The following USH2A variants were observed in gnomAD, a reference collection of about 807,000 sequenced individuals.
The protein encoded by USH2A is usherin, also known as Usher syndrome 2A (autosomal recessive, mild).
In USH2A, 443 loss-of-function variants were observed where a neutral mutation model predicts 538.9. The observed-to-expected ratio is 0.82, with a 90% confidence interval of 0.76 to 0.89. The LOEUF is 0.89. Ranked by LOEUF, USH2A falls within the 40% of genes least tolerant of loss-of-function variation. The probability of loss-of-function intolerance (pLI) is 0.00; values close to 1 mark genes in which losing one functional copy is unlikely to be tolerated. For missense variants in USH2A, 6,633 were observed against 6,324.8 expected (o/e 1.05, Z -1.65); for synonymous variants, 2,413 against 2,273.5 (o/e 1.06, Z -1.75).
chr1:215,977,781 G>A lies in USH2A; in HGVS notation c.6806-7005C>T, dbSNP rs539323347. On this transcript the variant is annotated intron_variant, in intron 35 of 71. Coordinates refer to ENST00000307340, the MANE Select transcript of USH2A (RefSeq NM_206933.4). ...CCTCCTCAGTCTCCCAAAGTGTTGA[G>A]ATTACAGGCATGAGCCACTGCCACC... Among the ~76,000 whole-genome samples the A allele has an allele frequency of 6.6e-5, 10 of 152,248 alleles. No individual in the cohort carries two copies. The South Asian group carries it at 1.9e-3, about 28-fold the overall frequency.
chr1:215,887,567 A>C (rs1460403821), intron 41 of USH2A, among the ~76,000 whole-genome samples: 1 of 152,318 alleles, frequency 6.6e-6, no homozygotes, highest in East Asian at 1.9e-4. Flanking sequence ...TTCATATTAA[A>C]ACTAACAAAG....
At chr1:215,812,549 T>C (rs572350655) in intron 49 of USH2A, among the ~76,000 whole-genome samples, 16 of 152,222 alleles carry the variant, frequency 1.1e-4, no homozygotes, top group African/African-American at 3.1e-4. Context: ...CTGAACATAA[T>C]TTACAGGAAC....
At chr1:215,796,408 AT>A (rs1384726250) in intron 50 of USH2A, among the ~76,000 whole-genome samples, 2 of 151,386 alleles carry the variant, frequency 1.3e-5, no homozygotes, top group African/African-American at 2.4e-5. Context: ...TTATTATTAT[AT>A]TTGTTATATT....
intron 70 of USH2A, 46 bp from the exon 71 acceptor site, chr1:215,629,081 G>A (rs764519523): frequency 4.5e-6 from 7 of 1,550,662 alleles, no homozygotes; most frequent in Admixed American, 3.3e-5. Context: ...AAGAATATGG[G>A]CTTGAAATAT....
At chr1:216,060,153 T>C (rs1269351267) in intron 30 of USH2A, among the ~76,000 whole-genome samples, 3 of 152,242 alleles carry the variant, frequency 2.0e-5, no homozygotes, top group Non-Finnish European at 4.4e-5. Context: ...TCTACACTAG[T>C]GTCTTTCAAT....
At chr1:216,055,986 A>G (rs1021042673) in intron 30 of USH2A, among the ~76,000 whole-genome samples, 3 of 152,208 alleles carry the variant, frequency 2.0e-5, no homozygotes, top group Non-Finnish European at 4.4e-5. Flanking sequence ...TACAAACAGG[A>G]AAAACATTAT....
chr1:215,873,899 TA>T (rs1398302779), intron 43 of USH2A, among the ~76,000 whole-genome samples: 2 of 152,136 alleles, frequency 1.3e-5, no homozygotes, highest in Non-Finnish European at 2.9e-5. Context: ...AGCTAATTTA[TA>T]AATCTAAATT....
At chr1:216,384,474 A>G (rs2038972812) in intron 3 of USH2A, among the ~76,000 whole-genome samples, 1 of 152,178 alleles carries the variant, frequency 6.6e-6, no homozygotes, top group South Asian at 2.1e-4. Context: ...TATTAACAAT[A>G]ATTTGAGGAA....
rs1444905148 is a variant in USH2A, at chr1:216,325,461, A to C, written c.987T>G (p.Asp329Glu). The change falls in exon 6 of 72, where the codon GAT becomes GAG. Residue 329 changes from aspartate to glutamate, a missense_variant. Asp to Glu is a conservative substitution (Grantham distance 45). Transcript: ENST00000307340. ...CIPNDAGDTA[D>E]NRVSRLNPEA... Reference sequence around the variant, plus strand: ...CAGGATTCAACCGTGACACTCTATTATCAGCTGTGTCTCCTGCATCATTAG... The same window carrying C: ...CAGGATTCAACCGTGACACTCTATTCTCAGCTGTGTCTCCTGCATCATTAG... 6.2e-7 allele frequency: 1 copy of C among 1,613,924 alleles called. No individual in the cohort carries two copies. Among genetic ancestry groups the C allele is most frequent in the South Asian group, 1.1e-5 (1 of 91,080 alleles).
chr1:216,155,093 T>C (rs1366980412), intron 21 of USH2A, among the ~76,000 whole-genome samples: 1 of 152,142 alleles, frequency 6.6e-6, no homozygotes, highest in Non-Finnish European at 1.5e-5. Flanking sequence ...CATAGTTGAC[T>C]CCATCTTGCT....
chr1:216,334,092 C>A (rs1426373452), intron 4 of USH2A, among the ~76,000 whole-genome samples: 5 of 151,908 alleles, frequency 3.3e-5, no homozygotes, highest in Admixed American at 6.6e-5. Flanking sequence ...TACTGTAATT[C>A]TTTTTCTCTC....
At position 216,156,291 on chromosome 1, in the gene USH2A, T is replaced by TTTC. The variant is rs1337699428; in HGVS notation, c.4627+18960_4627+18961insGAA. 8.7e-3 allele frequency among the ~76,000 whole-genome samples: 808 copies of TTTC among 93,204 alleles called. 10 individuals are homozygous for TTTC. Among genetic ancestry groups the TTTC allele is most frequent in the African/African-American group, 0.033 (723 of 21,908 alleles). 61.1% of individuals were successfully genotyped at this position (93,204 alleles called of 152,430 possible). On this transcript the variant is annotated intron_variant, in intron 21 of 71. Coordinates refer to ENST00000307340, the MANE Select transcript of USH2A (RefSeq NM_206933.4). ...CTTTTTCTTTCTTTCTTTCTTTTTT[T>TTTC]TTTCTTTTTTTTTTTTTTTTTGGCC...
Position 215,855,839 on chromosome 1 carries a change from T to C in USH2A, c.8846-9806A>G, listed in dbSNP as rs1664150693. Among the ~76,000 whole-genome samples, 3 of 152,246 alleles carry C rather than the reference T, an allele frequency of 2.0e-5. No homozygotes were observed. In the South Asian group the frequency reaches 6.2e-4, roughly 32 times the overall value. The stretch of plus-strand genomic sequence containing the variant: ...TATGGTACTGGTATAAAAATAGGCA[T>C]ATAGACCAATGAAACAAAATAGAGA... On this transcript the variant is annotated intron_variant, in intron 44 of 71. Coordinates refer to ENST00000307340, the MANE Select transcript of USH2A (RefSeq NM_206933.4).
intron 21 of USH2A, among the ~76,000 whole-genome samples, chr1:216,127,406 G>T (rs1273661860): frequency 6.6e-6 from 1 of 152,048 alleles, no homozygotes; most frequent in Non-Finnish European, 1.5e-5. Context: ...TGAAAGTAAA[G>T]GTCACACAAT....
intron 11 of USH2A, among the ~76,000 whole-genome samples, chr1:216,256,504 G>A (rs911943991): frequency 5.3e-5 from 8 of 151,754 alleles, no homozygotes; most frequent in Admixed American, 1.3e-4. Flanking sequence ...ATCTTACAAC[G>A]GTATACAATT....
Position 216,229,914 on chromosome 1 carries a change from G to A in USH2A, c.2993+2039C>T, listed in dbSNP as rs537697177. Among the ~76,000 whole-genome samples, 5 of 152,180 alleles carry A rather than the reference G, an allele frequency of 3.3e-5. No individual in the cohort carries two copies. The East Asian group carries it at 9.7e-4, about 30-fold the overall frequency. On this transcript the variant is annotated intron_variant, in intron 14 of 71. Coordinates refer to ENST00000307340, the MANE Select transcript of USH2A (RefSeq NM_206933.4). ...AGCCACGAATTTAAGAACATTGTAG[G>A]GTAGAGGAAGCAGTGTAATGAAGGG... is the stretch of plus-strand genomic sequence containing the variant.
intron 29 of USH2A, among the ~76,000 whole-genome samples, chr1:216,071,062 TA>T (rs1159119202): frequency 6.6e-6 from 1 of 152,092 alleles, no homozygotes; most frequent in Admixed American, 6.5e-5. Context: ...TTCTGATCAG[TA>T]AAAACTTCAT....
intron 61 of USH2A, among the ~76,000 whole-genome samples, chr1:215,704,389 A>C (rs557766894): frequency 6.6e-6 from 1 of 152,364 alleles, no homozygotes; most frequent in African/African-American, 2.4e-5. Flanking sequence ...GGATGGAAAT[A>C]GCTAACTGCT....
At chr1:216,163,632 A>T (rs2034109482) in intron 21 of USH2A, among the ~76,000 whole-genome samples, 2 of 82,760 alleles carry the variant, frequency 2.4e-5, no homozygotes, top group South Asian at 1.1e-3. Context: ...TTGGTAAAAA[A>T]ATAACTTTTA....
Sources: gnomAD v4.1 joint callset for allele counts (sites outside exome capture counted in the v4.1 genomes callset) on GRCh38, gnomAD v4.1.1 for gene constraint, MANE v1.5 for transcripts, NCBI Gene and HGNC (gene_info 2026-07-23, HGNC 2026-07-21) for gene names.